Variants in DIAPH2 observed in about 807,000 individuals in gnomAD.
DIAPH2 encodes diaphanous related formin 2.
In DIAPH2, 35 loss-of-function variants were observed where a neutral mutation model predicts 92.7. That is an observed-to-expected ratio of 0.38 (90% CI 0.29 to 0.50). The LOEUF is 0.50. Among genes scored for constraint, DIAPH2 ranks in the 20% least tolerant of loss-of-function variants. The probability of loss-of-function intolerance (pLI) is 0.94; values close to 1 mark genes in which losing one functional copy is unlikely to be tolerated. For synonymous variants in DIAPH2, 301 were observed against 280.4 expected (o/e 1.07, Z -0.73); for missense variants, 701 against 819.5 (o/e 0.86, Z 1.77).
At chrX:96,696,744 C>T (rs1216651576) in intron 1 of DIAPH2, among the ~76,000 whole-genome samples, 1 of 111,956 alleles carries the variant, frequency 8.9e-6, no homozygotes, top group Non-Finnish European at 1.9e-5. Context: ...AGAGATGATT[C>T]TCAATAGTAC....
chrX:97,191,215 C>T (rs896114592), intron 22 of DIAPH2, among the ~76,000 whole-genome samples: 3 of 109,152 alleles, frequency 2.7e-5, no homozygotes, highest in African/African-American at 1.0e-4. Context: ...GTAATCCCAG[C>T]TACTTGGGAG....
chrX:97,025,425 G>A (rs1170746436), intron 17 of DIAPH2, among the ~76,000 whole-genome samples: 2 of 109,422 alleles, frequency 1.8e-5, no homozygotes, highest in African/African-American at 6.7e-5. Flanking sequence ...GCTGAGGCGG[G>A]CGGATCACGA....
At chrX:97,396,807 C>G (rs1602561130) in intron 25 of DIAPH2, among the ~76,000 whole-genome samples, 1 of 111,510 alleles carries the variant, frequency 9.0e-6, no homozygotes, top group East Asian at 2.8e-4. Context: ...TAACTTAGCA[C>G]TATTAACCTA....
intron 17 of DIAPH2, among the ~76,000 whole-genome samples, chrX:97,016,612 T>C (rs2066262824): frequency 9.0e-6 from 1 of 111,626 alleles, no homozygotes; most frequent in Non-Finnish European, 1.9e-5. Context: ...CCTTAATAGT[T>C]TGAGACTGTA....
At chrX:97,239,848 CTCTCTCTCTCTT>C (rs1027369492) in intron 22 of DIAPH2, among the ~76,000 whole-genome samples, 1 of 108,677 alleles carries the variant, frequency 9.2e-6, no homozygotes, top group African/African-American at 3.4e-5. Flanking sequence ...CTCTCTCTCT[CTCTCTCTCTCTT>C]TCTCTCTCTC....
Position 97,268,032 on chromosome X carries a change from AAAT to A in DIAPH2, c.2844+20194_2844+20196del, listed in dbSNP as rs918952485. 2.7e-5 allele frequency among the ~76,000 whole-genome samples: 3 copies of A among 112,128 alleles called. No homozygotes were observed. In the Admixed American group the frequency reaches 2.8e-4, roughly 11 times the overall value. ...TGGGTGTCATTTAGAGCCATTTACC[AAAT>A]GAACTATCTTGGCCTGAGAAAGTTA... On this transcript the variant is annotated intron_variant, in intron 23 of 26. Coordinates refer to ENST00000324765, the MANE Select transcript of DIAPH2 (RefSeq NM_006729.5).
At chrX:96,785,638 GTT>G (rs1260536486) in intron 4 of DIAPH2, among the ~76,000 whole-genome samples, 1 of 104,513 alleles carries the variant, frequency 9.6e-6, no homozygotes, top group Non-Finnish European at 2.0e-5. Context: ...TGCCCTGCTA[GTT>G]TTTTTTTTGT....
intron 26 of DIAPH2, among the ~76,000 whole-genome samples, chrX:97,567,604 T>C (rs764837767): frequency 6.3e-5 from 7 of 111,838 alleles, no homozygotes; most frequent in Non-Finnish European, 1.1e-4. Flanking sequence ...ATTATCCCTA[T>C]TCTGATGTGA....
intron 26 of DIAPH2, among the ~76,000 whole-genome samples, chrX:97,594,971 C>T (rs979685201): frequency 1.2e-4 from 13 of 111,092 alleles, no homozygotes; most frequent in African/African-American, 3.9e-4. Context: ...CCAAGTTTAC[C>T]GCCTCATGCC....
At chrX:97,401,255 T>C (rs1427142028) in intron 25 of DIAPH2, among the ~76,000 whole-genome samples, 1 of 110,940 alleles carries the variant, frequency 9.0e-6, no homozygotes, top group African/African-American at 3.3e-5. Context: ...TTCATTCCTA[T>C]TGTCCCATCT....
intron 5 of DIAPH2, among the ~76,000 whole-genome samples, chrX:96,889,757 C>G (rs956832573): frequency 5.4e-5 from 6 of 111,581 alleles, no homozygotes; most frequent in African/African-American, 1.3e-4. Context: ...GCCTCCCTGA[C>G]TTTAATGACA....
intron 22 of DIAPH2, among the ~76,000 whole-genome samples, chrX:97,244,982 G>C (rs1291625656): frequency 1.8e-5 from 2 of 110,521 alleles, no homozygotes; most frequent in South Asian, 3.9e-4. Context: ...CCAGCTACTT[G>C]GGATGCTGAG....
At chrX:97,227,900 A>AT (rs1159122180) in intron 22 of DIAPH2, among the ~76,000 whole-genome samples, 2 of 111,017 alleles carry the variant, frequency 1.8e-5, no homozygotes, top group Non-Finnish European at 3.8e-5. Flanking sequence ...AATTAAAAAA[A>AT]TTTTTTTTCA....
At chrX:97,576,402 C>A (rs1019354017) in intron 26 of DIAPH2, among the ~76,000 whole-genome samples, 1 of 111,301 alleles carries the variant, frequency 9.0e-6, no homozygotes, top group Non-Finnish European at 1.9e-5. Flanking sequence ...TGCTACTTAC[C>A]AAATTCTCAA....
chrX:96,710,837 CTT>C (rs2063913452), intron 1 of DIAPH2, among the ~76,000 whole-genome samples: 1 of 111,292 alleles, frequency 9.0e-6, no homozygotes. Context: ...AATGTGTAGT[CTT>C]TTATCCCTCA....
intron 24 of DIAPH2, among the ~76,000 whole-genome samples, chrX:97,358,256 G>C (rs973179538): frequency 1.8e-5 from 2 of 111,777 alleles, no homozygotes; most frequent in Admixed American, 1.9e-4. Context: ...ATTTAGGCCA[G>C]TGGTTCTCAC....
In DIAPH2 at chrX:97,601,833, G is replaced by A. The variant is rs2071598116; in HGVS notation, c.*2516G>A. On this transcript the variant is annotated 3_prime_UTR_variant, in exon 27 of 27. Transcript: ENST00000324765. ...ACTTATTTGCTTACATTTTTGAAGG[G>A]CAGCAAAGCCATGCTCCCTCCAGAG... 8.9e-6 allele frequency: 1 copy of A among 112,148 alleles called. No homozygotes were observed. Among genetic ancestry groups the A allele is most frequent in the Non-Finnish European group, 1.9e-5 (1 of 53,208 alleles). 9.2% of individuals were successfully genotyped at this position (112,148 alleles called of 1,213,427 possible).
intron 22 of DIAPH2, among the ~76,000 whole-genome samples, chrX:97,220,979 G>C (rs1365303288): frequency 1.3e-4 from 14 of 111,528 alleles, no homozygotes; most frequent in Admixed American, 1.1e-3. Flanking sequence ...CAGTTTTGCT[G>C]TACCATCTAT....
At position 97,551,595 on chromosome X, in the gene DIAPH2, T is replaced by A. The variant is rs764736793; in HGVS notation, c.3242-47658T>A. Among the ~76,000 whole-genome samples, 619 of 98,875 alleles carry A rather than the reference T, an allele frequency of 6.3e-3. 3 individuals carry two copies. The highest frequency in any genetic ancestry group is 0.018 in the African/African-American group (486 of 27,270). The allele number at this position is 98,875 out of a possible 115,157, so 85.9% of individuals were successfully genotyped here. On this transcript the variant is annotated intron_variant, in intron 26 of 26. Transcript: ENST00000324765. ...GCAACAAGAACGAGACTCCGTTTTT[T>A]AAAAAAAAAAAAAAATTAAAATTAA...
Sources: gnomAD v4.1 joint callset for allele counts (sites outside exome capture counted in the v4.1 genomes callset) on GRCh38, gnomAD v4.1.1 for gene constraint, MANE v1.5 for transcripts, NCBI Gene and HGNC (gene_info 2026-07-23, HGNC 2026-07-21) for gene names.